Variants in RAI1 observed in about 807,000 individuals in gnomAD.
RAI1 encodes retinoic acid-induced protein 1.
RAI1 carries 9 observed loss-of-function variants against 123.8 expected under a neutral mutation model. The observed-to-expected ratio is 0.07, with a 90% confidence interval of 0.04 to 0.13. The LOEUF is 0.13. RAI1 is among the 10% of genes least tolerant of loss of function. RAI1 has a pLI of 1.00. For synonymous variants in RAI1, 1,231 were observed against 1,127.3 expected, an observed-to-expected ratio of 1.09 and a Z score of -1.84; for missense variants, 2,256 against 2,545.8, an observed-to-expected ratio of 0.89 and a Z score of 2.45.
chr17:17,762,256 G>A (rs1212396866), intron 2 of RAI1, among the ~76,000 whole-genome samples: 3 of 152,152 alleles, frequency 2.0e-5, no homozygotes, highest in Admixed American at 1.3e-4. Flanking sequence ...CTTCTCAGAT[G>A]AGGTGACTGG....
rs780173516 is a variant in RAI1 at position 17,795,433 on chromosome 17, C to T, written c.2485C>T (p.Pro829Ser). Residue 829 changes from proline to serine, a missense_variant, in exon 3 of 6, where the codon CCC becomes TCC. Around this residue, in one of 7 missense-constraint regions of RAI1, gnomAD observed 566 missense variants for 616.0 expected, o/e 0.92. Coordinates refer to ENST00000353383, the MANE Select transcript of RAI1 (RefSeq NM_030665.4). The surrounding 1 kb of genome is among the most constrained non-coding windows in gnomAD (Gnocchi z 5.9). ...GGAGGCAGGTGGGCTGCTGCAGTGC[C>T]CCGAGGTGGCCAAGGCTGACCGGTG... ...KEEAGGLLQC[P>S]EVAKADRWLE... 1.9e-6 allele frequency: 3 copies of T among 1,590,544 alleles called. No homozygotes were observed. Among genetic ancestry groups the T allele is most frequent in the East Asian group, 2.3e-5 (1 of 44,172 alleles).
At chr17:17,738,375 T>G (rs2142963274) in intron 2 of RAI1, among the ~76,000 whole-genome samples, 1 of 22,160 alleles carries the variant, frequency 4.5e-5, no homozygotes, top group African/African-American at 1.9e-4. Context: ...CAGGGCTGGG[T>G]GAGGCGGCTG....
intron 2 of RAI1, among the ~76,000 whole-genome samples, chr17:17,784,619 G>C (rs957785967): frequency 2.6e-5 from 4 of 152,264 alleles, no homozygotes; most frequent in East Asian, 3.9e-4. Context: ...GCCAGGAGAG[G>C]GGGGGTGTAG....
chr17:17,751,047 A>G (rs73295666), intron 2 of RAI1, among the ~76,000 whole-genome samples: 10,213 of 152,206 alleles, frequency 0.067, 1,192 homozygotes, highest in African/African-American at 0.23. Flanking sequence ...TTAGCCGTCG[A>G]CTTCCGGTTT....
chr17:17,754,035 C>T (rs1241523158), intron 2 of RAI1, among the ~76,000 whole-genome samples: 1 of 152,114 alleles, frequency 6.6e-6, no homozygotes. Flanking sequence ...TGCTGACACT[C>T]ACCTGAACCT....
intron 2 of RAI1, among the ~76,000 whole-genome samples, chr17:17,769,194 T>C (rs1464487045): frequency 6.6e-6 from 1 of 152,256 alleles, no homozygotes; most frequent in Non-Finnish European, 1.5e-5. Flanking sequence ...CGTGGTCTCC[T>C]CACAGAAGAG....
chr17:17,743,660 C>G (rs2142973453), intron 2 of RAI1, among the ~76,000 whole-genome samples: 1 of 152,362 alleles, frequency 6.6e-6, no homozygotes, highest in South Asian at 2.1e-4. Flanking sequence ...CACCAGGTCT[C>G]TGAAGCTCAG....
intron 1 of RAI1, among the ~76,000 whole-genome samples, chr17:17,720,149 C>T (rs1434215411): frequency 6.6e-6 from 1 of 152,198 alleles, no homozygotes; most frequent in Non-Finnish European, 1.5e-5. Context: ...CAGCCCTCTA[C>T]CCACCCTGCC....
Position 17,810,934 on chromosome 17 carries a change from T to G in RAI1, c.*953T>G. On this transcript the variant is annotated 3_prime_UTR_variant, in exon 6 of 6. Transcript: ENST00000353383. The surrounding 1 kb of genome is among the most constrained non-coding windows in gnomAD (Gnocchi z 4.6). Reference sequence around the variant, plus strand: ...CTATATATATGTTACATAGAATGTATATATGTTGGGAACATGCTCGCTTCT... The same window carrying G: ...CTATATATATGTTACATAGAATGTAGATATGTTGGGAACATGCTCGCTTCT... 2.8e-6 allele frequency: 1 copy of G among 355,080 alleles called. No homozygotes were observed. Among genetic ancestry groups the G allele is most frequent in the South Asian group, 1.9e-5 (1 of 52,292 alleles). The allele number at this position is 355,080 out of a possible 1,614,324, so 22.0% of individuals were successfully genotyped here. A position where few individuals can be genotyped will look rare whatever the true frequency, so the allele number is the denominator to read the frequency against.
intron 1 of RAI1, among the ~76,000 whole-genome samples, chr17:17,720,623 C>T (rs1915849792): frequency 6.6e-6 from 1 of 152,210 alleles, no homozygotes; most frequent in Non-Finnish European, 1.5e-5. Context: ...CTGCCACACG[C>T]CATGCACTGT....
At chr17:17,719,475 A>G (rs2142920604) in intron 1 of RAI1, among the ~76,000 whole-genome samples, 1 of 152,266 alleles carries the variant, frequency 6.6e-6, no homozygotes, top group East Asian at 1.9e-4. Flanking sequence ...TTTGTCTGTC[A>G]AGTGTGTTCT....
chr17:17,721,372 AT>A (rs1248164630), intron 1 of RAI1, among the ~76,000 whole-genome samples: 1 of 152,228 alleles, frequency 6.6e-6, no homozygotes, highest in Non-Finnish European at 1.5e-5. Context: ...ACAGACAAAA[AT>A]ACCTACCAGA....
At position 17,803,842 on chromosome 17, in the gene RAI1, C is replaced by T. The variant is rs567884332; in HGVS notation, c.5652C>T (p.Ser1884=). The T allele has an allele frequency of 1.2e-4, 190 of 1,613,284 alleles. 5 individuals carry two copies. The South Asian group carries it at 1.9e-3, about 16-fold the overall frequency. ...CLHTYHYPCA[S]DAGCIFIEEN... ...ACACCTACCACTACCCGTGTGCCAG[C>T]GATGCAGGTACGAGCCCGCCCAGGA... The change falls in exon 4 of 6, where the codon AGC becomes AGT. Residue 1884 remains serine (S), a synonymous_variant. Coordinates refer to ENST00000353383, the MANE Select transcript of RAI1 (RefSeq NM_030665.4).
At chr17:17,776,917 A>C (rs2031367926) in intron 2 of RAI1, 1 of 151,542 alleles carries the variant, frequency 6.6e-6, no homozygotes, top group Non-Finnish European at 1.5e-5. Context: ...CTCCTGCCTT[A>C]GCCTCCCAAA....
At chr17:17,720,436 G>C (rs992877861) in intron 1 of RAI1, among the ~76,000 whole-genome samples, 3 of 152,306 alleles carry the variant, frequency 2.0e-5, no homozygotes, top group East Asian at 1.9e-4. Context: ...CAGGAAGCCT[G>C]CCAGCCAGGC....
rs937307409 is a variant in RAI1, at chr17:17,714,368, C to T, written c.-148-9660C>T. Among the ~76,000 whole-genome samples the T allele has an allele frequency of 3.9e-5, 6 of 152,168 alleles. No homozygotes were observed. Among genetic ancestry groups the T allele is most frequent in the African/African-American group, 1.4e-4 (6 of 41,444 alleles). On this transcript the variant is annotated intron_variant, in intron 1 of 5. Coordinates refer to ENST00000353383, the MANE Select transcript of RAI1 (RefSeq NM_030665.4). This position sits in a 1 kb window ranked among gnomAD's most constrained non-coding sequence, Gnocchi z 4.9. ...CGTGGGTGGGCCTGTGCCCTGGTGGCATAACCAAGTAGGATTTCCACATTC... is the reference window on the plus strand; with the variant it reads ...CGTGGGTGGGCCTGTGCCCTGGTGGTATAACCAAGTAGGATTTCCACATTC...
intron 2 of RAI1, among the ~76,000 whole-genome samples, chr17:17,784,000 T>C (rs906623941): frequency 8.5e-5 from 13 of 152,060 alleles, no homozygotes; most frequent in Admixed American, 2.6e-4. Flanking sequence ...TTTCTCTCCT[T>C]CTCTCTTCCA....
At chr17:17,718,502 G>C (rs1915779632) in intron 1 of RAI1, among the ~76,000 whole-genome samples, 1 of 152,330 alleles carries the variant, frequency 6.6e-6, no homozygotes, top group South Asian at 2.1e-4. Flanking sequence ...CAGGGCTGTA[G>C]TTGTTGAAGG....
At chr17:17,752,957 C>T (rs1465417098) in intron 2 of RAI1, among the ~76,000 whole-genome samples, 2 of 152,244 alleles carry the variant, frequency 1.3e-5, no homozygotes, top group Non-Finnish European at 2.9e-5. Context: ...TTGTTGAATG[C>T]CTCCATTCAT....
Sources: gnomAD v4.1 joint callset for allele counts (sites outside exome capture counted in the v4.1 genomes callset) on GRCh38, gnomAD v4.1.1 for gene constraint, gnomAD v4.1.1 regional missense constraint, Gnocchi (gnomAD v3.1) non-coding constraint, MANE v1.5 for transcripts, NCBI Gene and HGNC (gene_info 2026-07-23, HGNC 2026-07-21) for gene names.